GMDS: variants seen among roughly 807,000 people sequenced by gnomAD.
The protein encoded by GMDS is GDP-mannose 4,6 dehydratase.
GMDS carries 20 observed loss-of-function variants against 49.9 expected under a neutral mutation model. The ratio of observed to expected loss-of-function variants is 0.40; its 90% confidence interval spans 0.28 to 0.58. GMDS has a LOEUF of 0.58. Ranked by LOEUF, GMDS falls within the 20% of genes least tolerant of loss-of-function variation. The pLI is 0.42. For missense variants in GMDS, 362 were observed against 481.4 expected (o/e 0.75, Z 2.32); for synonymous variants, 177 against 178.6 (o/e 0.99, Z 0.07).
chr6:1,961,055 A>G, intron 4 of GMDS, 89 bp from the exon 5 acceptor site: 1 of 636,818 alleles, frequency 1.6e-6, no homozygotes, highest in Non-Finnish European at 2.6e-6. Flanking sequence ...AATTTCACAC[A>G]CTGTGAAATG....
intron 4 of GMDS, among the ~76,000 whole-genome samples, chr6:1,980,535 T>C (rs6939971): frequency 0.73 from 110,703 of 152,040 alleles, 41,313 homozygotes; most frequent in African/African-American, 0.91. Flanking sequence ...AAAAAAGCAC[T>C]GCCAAGTTCA....
intron 9 of GMDS, among the ~76,000 whole-genome samples, chr6:1,638,449 T>A (rs182307036): frequency 6.6e-6 from 1 of 152,092 alleles, no homozygotes; most frequent in Non-Finnish European, 1.5e-5. Flanking sequence ...CTGAACTTTA[T>A]ACTTATGAGC....
intron 4 of GMDS, among the ~76,000 whole-genome samples, chr6:2,020,001 G>A (rs1201996189): frequency 6.6e-6 from 1 of 151,858 alleles, no homozygotes; most frequent in Non-Finnish European, 1.5e-5. Context: ...ATTTTGTTTT[G>A]GATTTTTGCA....
At chr6:1,962,020 AG>A (rs2127299171) in intron 4 of GMDS, among the ~76,000 whole-genome samples, 1 of 152,342 alleles carries the variant, frequency 6.6e-6, no homozygotes, top group South Asian at 2.1e-4. Flanking sequence ...AGTCTTTCAA[AG>A]GTAAGAAAGC....
In GMDS at chr6:2,245,568, A is replaced by G. The variant is rs1332176949; in HGVS notation, c.-146T>C. On this transcript the variant is annotated 5_prime_UTR_variant, in exon 1 of 11. Transcript: ENST00000380815. ...AGAGCGCACCGCGCGACCGGCCGCC[A>G]CAGTCTGACAGGGGCGCACGGGAGG... 2 of 427,930 alleles carry G rather than the reference A, an allele frequency of 4.7e-6. No homozygotes were observed. The highest frequency in any genetic ancestry group is 2.1e-5 in the African/African-American group (1 of 47,670). 26.5% of individuals were successfully genotyped at this position (427,930 alleles called of 1,614,324 possible).
chr6:2,214,414 T>C (rs893265890), intron 1 of GMDS, among the ~76,000 whole-genome samples: 3 of 152,182 alleles, frequency 2.0e-5, no homozygotes, highest in African/African-American at 4.8e-5. Flanking sequence ...GTAATGAACA[T>C]GTACAGACCT....
intron 4 of GMDS, among the ~76,000 whole-genome samples, chr6:2,031,740 G>C (rs1372195369): frequency 6.6e-6 from 1 of 152,194 alleles, no homozygotes; most frequent in Admixed American, 6.5e-5. Flanking sequence ...CCAGAGGCCA[G>C]GCAGCTGAGG....
intron 1 of GMDS, among the ~76,000 whole-genome samples, chr6:2,154,862 GCAAAAAAAAA>G (rs1777025248): frequency 3.0e-5 from 1 of 33,830 alleles, no homozygotes; most frequent in African/African-American, 7.6e-5. Flanking sequence ...TTGAAGAGAT[GCAAAAAAAAA>G]AAAAAAAAAA....
intron 4 of GMDS, among the ~76,000 whole-genome samples, chr6:2,015,538 T>A (rs927464794): frequency 2.0e-5 from 3 of 152,154 alleles, no homozygotes; most frequent in Non-Finnish European, 4.4e-5. Context: ...TAGTATTGAA[T>A]GCAACATTAG....
chr6:1,843,700 G>A (rs1757250937), intron 7 of GMDS, among the ~76,000 whole-genome samples: 1 of 152,196 alleles, frequency 6.6e-6, no homozygotes, highest in Non-Finnish European at 1.5e-5. Context: ...CCCATGAGGT[G>A]GAGGTTGCGC....
At chr6:1,955,311 T>C (rs745427506) in intron 6 of GMDS, among the ~76,000 whole-genome samples, 3 of 152,326 alleles carry the variant, frequency 2.0e-5, no homozygotes, top group Non-Finnish European at 4.4e-5. Flanking sequence ...AAATTTGTTA[T>C]GCAGGTTATG....
At chr6:2,170,428 C>A (rs951110859) in intron 1 of GMDS, among the ~76,000 whole-genome samples, 8 of 151,872 alleles carry the variant, frequency 5.3e-5, no homozygotes, top group Non-Finnish European at 1.0e-4. Context: ...GAGTTCGAGA[C>A]CAGCCTGAGC....
intron 9 of GMDS, among the ~76,000 whole-genome samples, chr6:1,644,431 C>T (rs1243640245): frequency 1.3e-5 from 2 of 152,250 alleles, no homozygotes; most frequent in African/African-American, 4.8e-5. Context: ...CGCTAGGCTG[C>T]ACTCCCCACA....
At chr6:1,818,854 T>C (rs1268806291) in intron 7 of GMDS, among the ~76,000 whole-genome samples, 2 of 152,174 alleles carry the variant, frequency 1.3e-5, no homozygotes, top group African/African-American at 2.4e-5. Flanking sequence ...TTATCACTTA[T>C]GTGGCCTTTT....
chr6:2,044,611 G>T (rs1322503655), intron 4 of GMDS, among the ~76,000 whole-genome samples: 2 of 152,038 alleles, frequency 1.3e-5, no homozygotes, highest in Non-Finnish European at 2.9e-5. Flanking sequence ...TAACTCATGG[G>T]TACTAGGCTT....
At chr6:2,115,273 G>A (rs917837313) in intron 4 of GMDS, among the ~76,000 whole-genome samples, 2 of 152,130 alleles carry the variant, frequency 1.3e-5, no homozygotes, top group African/African-American at 4.8e-5. Flanking sequence ...GGAGGAGGGA[G>A]ACTAAAAAGC....
chr6:1,695,560 TGCA>T (rs1765308789), intron 9 of GMDS, among the ~76,000 whole-genome samples: 2 of 152,366 alleles, frequency 1.3e-5, no homozygotes, highest in Non-Finnish European at 2.9e-5. Context: ...GGCTCTCTCA[TGCA>T]GCAGTAGATA....
chr6:1,661,807 A>G (rs572885433), intron 9 of GMDS, among the ~76,000 whole-genome samples: 2 of 152,334 alleles, frequency 1.3e-5, no homozygotes, highest in African/African-American at 4.8e-5. Context: ...CCCTTGCTTC[A>G]GCATTCCCTG....
In GMDS at chr6:2,006,296, C is replaced by T. The variant is rs145826210; in HGVS notation, c.346-45330G>A. 2.0e-4 allele frequency among the ~76,000 whole-genome samples: 30 copies of T among 151,298 alleles called. No individual in the cohort carries two copies. The East Asian group carries it at 2.7e-3, about 14-fold the overall frequency. ...AAAAAAAAATAGCCAAGAGTAGTGG[C>T]CCATGTCTGTAGTCCCAGCAACTCA... is the stretch of plus-strand genomic sequence containing the variant. On this transcript the variant is annotated intron_variant, in intron 4 of 10. Transcript: ENST00000380815.
Sources: allele counts gnomAD v4.1 joint callset (sites outside exome capture counted in the v4.1 genomes callset), GRCh38; gene constraint gnomAD v4.1.1; transcripts MANE v1.5; gene names NCBI Gene and HGNC (gene_info 2026-07-23, HGNC 2026-07-21).